ANKRD7: variants seen among roughly 807,000 people sequenced by gnomAD.
ANKRD7 encodes ankyrin repeat domain-containing protein 7.
In ANKRD7, 30 loss-of-function variants were observed where a neutral mutation model predicts 30.8. The observed-to-expected ratio is 0.97, with a 90% CI of 0.73 to 1.32. ANKRD7 has a LOEUF of 1.32. Among genes scored for constraint, ANKRD7 ranks in the 40% most tolerant of loss-of-function variants. The pLI is 0.00. For synonymous variants in ANKRD7, 97 were observed against 106.6 expected, an observed-to-expected ratio of 0.91 and a Z score of 0.55; for missense variants, 264 against 295.7, an observed-to-expected ratio of 0.89 and a Z score of 0.79.
rs1381692828 is a variant in ANKRD7, at chr7:118,224,980, T to C, written c.150T>C (p.Tyr50=). ...KLKEYLQIKK[Y]DVNMQDKKYR... is the part of the protein sequence containing the mutation. ...AGGAATACCTTCAGATCAAGAAATA[T>C]GATGTAAATATGCAGGACAAAAAAT... Residue 50 remains tyrosine, a synonymous_variant, in exon 1 of 7, where the codon TAT becomes TAC. Transcript: ENST00000265224. 4 of 1,613,940 alleles carry C rather than the reference T, an allele frequency of 2.5e-6. No homozygotes were observed. The highest frequency in any genetic ancestry group is 1.7e-5 in the Admixed American group (1 of 59,986).
intron 1 of ANKRD7, among the ~76,000 whole-genome samples, chr7:118,225,901 T>C (rs114139229): frequency 1.3e-3 from 194 of 152,320 alleles, no homozygotes; most frequent in African/African-American, 4.5e-3. Flanking sequence ...TGCAAATATG[T>C]GTAACAACTG....
chr7:118,226,430 A>G (rs904948143), intron 1 of ANKRD7, among the ~76,000 whole-genome samples: 1 of 152,232 alleles, frequency 6.6e-6, no homozygotes, highest in Non-Finnish European at 1.5e-5. Flanking sequence ...TAAATAGCCT[A>G]CTATTGATTG....
intron 1 of ANKRD7, among the ~76,000 whole-genome samples, chr7:118,227,344 C>T (rs1809560149): frequency 6.6e-6 from 1 of 152,192 alleles, no homozygotes; most frequent in South Asian, 2.1e-4. Flanking sequence ...ACCTCCTTTG[C>T]TCTCTTGGGT....
chr7:118,236,195 A>ATT (rs1809725642), intron 4 of ANKRD7, 48 bp downstream of exon 4: 1 of 993,168 alleles, frequency 1.0e-6, no homozygotes, highest in Non-Finnish European at 1.5e-6. Context: ...ACCTGATAGG[A>ATT]TTGTGTGTGT....
chr7:118,225,112 G>C (rs1227362301), intron 1 of ANKRD7, 103 bp downstream of exon 1: 5 of 1,326,646 alleles, frequency 3.8e-6, no homozygotes, highest in Non-Finnish European at 5.2e-6. Flanking sequence ...TGTCACTCCG[G>C]GTTTCCCAAA....
intron 1 of ANKRD7, among the ~76,000 whole-genome samples, chr7:118,228,492 G>A (rs1809581689): frequency 6.6e-6 from 1 of 152,028 alleles, no homozygotes; most frequent in Non-Finnish European, 1.5e-5. Flanking sequence ...GATATCAACT[G>A]GCTTGCAAAA....
intron 6 of ANKRD7, among the ~76,000 whole-genome samples, chr7:118,241,162 A>G (rs967757839): frequency 7.2e-6 from 1 of 138,638 alleles, no homozygotes; most frequent in African/African-American, 2.9e-5. Context: ...CTCCGTCTCA[A>G]AAAAAAAAAA....
intron 1 of ANKRD7, among the ~76,000 whole-genome samples, chr7:118,227,040 G>C (rs941549883): frequency 6.6e-6 from 1 of 152,006 alleles, no homozygotes; most frequent in African/African-American, 2.4e-5. Context: ...TACTCTTATA[G>C]TTCCTTTGTC....
intron 1 of ANKRD7, among the ~76,000 whole-genome samples, chr7:118,229,730 A>G (rs1809602776): frequency 6.6e-6 from 1 of 152,142 alleles, no homozygotes; most frequent in Non-Finnish European, 1.5e-5. Flanking sequence ...AGCAACAAAA[A>G]AAGAAAACTA....
Position 118,224,853 on chromosome 7 carries a change from G to A in ANKRD7, c.23G>A (p.Trp8Ter). ...GCCATGAATAAGCTTTTCAGCTTCT[G>A]GAAGAGGAAGAATGAGACCCGCAGC... MNKLFSF[W>*]KRKNETRSQG... The change falls in exon 1 of 7, where the codon TGG becomes TAG. Residue 8 changes from tryptophan to a stop codon, truncating the protein, a stop_gained. Coordinates refer to ENST00000265224, the MANE Select transcript of ANKRD7 (RefSeq NM_019644.4). LOFTEE classifies it high-confidence loss of function. 6.2e-7 allele frequency: 1 copy of A among 1,613,320 alleles called. No homozygotes were observed. Among genetic ancestry groups the A allele is most frequent in the South Asian group, 1.1e-5 (1 of 91,026 alleles).
intron 5 of ANKRD7, among the ~76,000 whole-genome samples, chr7:118,238,121 T>A (rs1386061658): frequency 6.6e-6 from 1 of 152,166 alleles, no homozygotes; most frequent in East Asian, 1.9e-4. Flanking sequence ...ATTGGATAGT[T>A]TGATGAGAAG....
intron 1 of ANKRD7, among the ~76,000 whole-genome samples, chr7:118,231,097 C>G: frequency 6.6e-6 from 1 of 152,040 alleles, no homozygotes; most frequent in South Asian, 2.1e-4. Flanking sequence ...GAGGCCTTCT[C>G]TACATCTGTA....
intron 1 of ANKRD7, among the ~76,000 whole-genome samples, chr7:118,231,067 G>A (rs1809629741): frequency 6.6e-6 from 1 of 152,038 alleles, no homozygotes; most frequent in Non-Finnish European, 1.5e-5. Context: ...ACATTGTTCT[G>A]AGAGTCAAGA....
chr7:118,231,013 C>G (rs1809628720), intron 1 of ANKRD7, among the ~76,000 whole-genome samples: 1 of 151,974 alleles, frequency 6.6e-6, no homozygotes, highest in Non-Finnish European at 1.5e-5. Context: ...GAGGAAATAG[C>G]ATAAGCAGAT....
intron 1 of ANKRD7, among the ~76,000 whole-genome samples, chr7:118,228,368 A>G (rs1809579897): frequency 6.6e-6 from 1 of 152,142 alleles, no homozygotes. Flanking sequence ...TATAATATTC[A>G]CTGGTGTGCT....
At chr7:118,235,485 G>A (rs1436567427) in intron 3 of ANKRD7, among the ~76,000 whole-genome samples, 4 of 151,762 alleles carry the variant, frequency 2.6e-5, no homozygotes, top group East Asian at 1.9e-4. Context: ...CGTGGTAGGC[G>A]CCTGTAGTCC....
rs915709803 is a variant in ANKRD7, at chr7:118,242,618, G to A, written c.*307G>A. 6.6e-6 allele frequency: 1 copy of A among 151,872 alleles called. No homozygotes were observed. Among genetic ancestry groups the A allele is most frequent in the African/African-American group, 2.4e-5 (1 of 41,384 alleles). 9.4% of individuals were successfully genotyped at this position (151,872 alleles called of 1,614,324 possible). ...AAAATTTGTGTCAAAATGTTGAATG[G>A]AATAATAATGAGGAAACTGTGTTAG... On this transcript the variant is annotated 3_prime_UTR_variant, in exon 7 of 7. Transcript: ENST00000265224.
intron 3 of ANKRD7, 135 bp from the exon 4 acceptor site, chr7:118,235,906 T>C (rs1809719917): frequency 3.9e-6 from 2 of 511,676 alleles, no homozygotes; most frequent in South Asian, 6.9e-5. Context: ...CACATTTTTT[T>C]ATGTATTAAA....
chr7:118,239,052 A>C (rs1294675712), intron 5 of ANKRD7, among the ~76,000 whole-genome samples: 1 of 152,194 alleles, frequency 6.6e-6, no homozygotes, highest in Non-Finnish European at 1.5e-5. Flanking sequence ...GCTCATGCTC[A>C]GAGGGATGAC....
Sources: gnomAD v4.1 joint callset for allele counts (sites outside exome capture counted in the v4.1 genomes callset) on GRCh38, gnomAD v4.1.1 for gene constraint, MANE v1.5 for transcripts, NCBI Gene and HGNC (gene_info 2026-07-23, HGNC 2026-07-21) for gene names.